IRF2: variants seen among roughly 807,000 people sequenced by gnomAD.
IRF2 encodes interferon regulatory factor 2.
In IRF2, 15 loss-of-function variants were observed where a neutral mutation model predicts 40.6. The observed-to-expected ratio is 0.37, with a 90% confidence interval of 0.25 to 0.57. IRF2 has a LOEUF of 0.57. Ranked by LOEUF, IRF2 falls within the 20% of genes least tolerant of loss-of-function variation. The probability of loss-of-function intolerance (pLI) is 0.77; values close to 1 mark genes in which losing one functional copy is unlikely to be tolerated. For synonymous variants in IRF2, 151 were observed against 165.5 expected (o/e 0.91, Z 0.67); for missense variants, 317 against 455.7 (o/e 0.70, Z 2.77).
At chr4:184,406,473 C>T (rs966526431) in intron 6 of IRF2, among the ~76,000 whole-genome samples, 3 of 152,128 alleles carry the variant, frequency 2.0e-5, no homozygotes, top group Non-Finnish European at 2.9e-5. Flanking sequence ...CGTGAACCAC[C>T]CACCTCGGCC....
In IRF2 at chr4:184,418,465, T is replaced by A. The variant is rs1234263355; in HGVS notation, c.364+67A>T. ...TGCAAACTGACTGCAGATGTAGAAA[T>A]GAAGAGATCACGAAGGCACGATGAC... On this transcript the variant is annotated intron_variant, in intron 4 of 8. Coordinates refer to ENST00000393593, the MANE Select transcript of IRF2 (RefSeq NM_002199.4). 2.1e-6 allele frequency: 3 copies of A among 1,413,370 alleles called. No individual in the cohort carries two copies. In the African/African-American group the frequency reaches 4.2e-5, roughly 20 times the overall value. The allele number at this position is 1,413,370 out of a possible 1,614,324, so 87.6% of individuals were successfully genotyped here.
chr4:184,427,668 A>G (rs967873661), intron 2 of IRF2, among the ~76,000 whole-genome samples: 3 of 152,186 alleles, frequency 2.0e-5, no homozygotes, highest in Admixed American at 1.3e-4. Context: ...AAAAATCAAA[A>G]TAAGTGGATA....
At chr4:184,435,434 G>C (rs1013121110) in intron 1 of IRF2, among the ~76,000 whole-genome samples, 32 of 152,202 alleles carry the variant, frequency 2.1e-4, no homozygotes, top group African/African-American at 7.5e-4. Context: ...TGAGAGGGGG[G>C]TGGTGCTTCT....
Position 184,429,145 on chromosome 4 carries a change from C to T in IRF2, c.-6-75G>A, listed in dbSNP as rs186158952. On this transcript the variant is annotated intron_variant, in intron 1 of 8. Transcript: ENST00000393593. Reference sequence around the variant, plus strand: ...GTCTGCACTGCAGAGTTCTACACCCCGCCTGACTCTTTCCTTCTCTCCTTT... The same window carrying T: ...GTCTGCACTGCAGAGTTCTACACCCTGCCTGACTCTTTCCTTCTCTCCTTT... 37 of 1,101,942 alleles carry T rather than the reference C, an allele frequency of 3.4e-5. No individual in the cohort carries two copies. The East Asian group carries it at 4.1e-4, about 12-fold the overall frequency. 68.3% of individuals were successfully genotyped at this position (1,101,942 alleles called of 1,614,324 possible).
chr4:184,425,700 A>T (rs1368397359), intron 2 of IRF2, among the ~76,000 whole-genome samples: 1 of 152,242 alleles, frequency 6.6e-6, no homozygotes, highest in African/African-American at 2.4e-5. Context: ...CTCAGCAGGT[A>T]AGGACTGCCT....
chr4:184,417,858 T>A (rs770857893), intron 5 of IRF2, among the ~76,000 whole-genome samples: 1 of 152,062 alleles, frequency 6.6e-6, no homozygotes, highest in Non-Finnish European at 1.5e-5. Flanking sequence ...TGTTGTGGAG[T>A]TTAGCTGGCA....
intron 5 of IRF2, among the ~76,000 whole-genome samples, chr4:184,411,103 G>C (rs1426079276): frequency 1.3e-5 from 2 of 151,034 alleles, no homozygotes; most frequent in East Asian, 3.9e-4. Flanking sequence ...TATCACCCAG[G>C]CTAGAGTGCA....
chr4:184,421,837 T>G (rs1243080805), intron 2 of IRF2, among the ~76,000 whole-genome samples: 1 of 152,126 alleles, frequency 6.6e-6, no homozygotes, highest in East Asian at 1.9e-4. Flanking sequence ...CCTCTTGAAA[T>G]GTGCAACAGG....
chr4:184,412,109 T>C lies in IRF2; in HGVS notation c.412-3834A>G, dbSNP rs1192337753. 4.0e-5 allele frequency among the ~76,000 whole-genome samples: 6 copies of C among 151,754 alleles called. No individual in the cohort carries two copies. In the East Asian group the frequency reaches 1.2e-3, roughly 29 times the overall value. ...TGTTCAAAAATCTTTGCTCTAATTG[T>C]AGAATCCAAGGATTGATCTACGTGG... On this transcript the variant is annotated intron_variant, in intron 5 of 8. Coordinates refer to ENST00000393593, the MANE Select transcript of IRF2 (RefSeq NM_002199.4).
chr4:184,416,540 T>C (rs570972787), intron 5 of IRF2, among the ~76,000 whole-genome samples: 8 of 152,266 alleles, frequency 5.3e-5, no homozygotes, highest in Admixed American at 1.3e-4. Flanking sequence ...ATAACATGTA[T>C]GAAACAACTG....
At chr4:184,445,497 T>G (rs4862370) in intron 1 of IRF2, among the ~76,000 whole-genome samples, 1 of 151,684 alleles carries the variant, frequency 6.6e-6, no homozygotes, top group Non-Finnish European at 1.5e-5. Context: ...CTACTAAAAT[T>G]TATATAAATT....
At chr4:184,421,167 C>A (rs988472510) in intron 2 of IRF2, among the ~76,000 whole-genome samples, 3 of 152,188 alleles carry the variant, frequency 2.0e-5, no homozygotes, top group African/African-American at 4.8e-5. Flanking sequence ...CAGAAAGGGT[C>A]CCAGCTGTCC....
chr4:184,427,030 A>C (rs34374710), intron 2 of IRF2, among the ~76,000 whole-genome samples: 43,707 of 152,128 alleles, frequency 0.29, 6,483 homozygotes, highest in Admixed American at 0.37. Flanking sequence ...GCTGAGTACA[A>C]GTCAGCTTTC....
At chr4:184,423,594 G>A (rs1000825793) in intron 2 of IRF2, among the ~76,000 whole-genome samples, 8 of 152,148 alleles carry the variant, frequency 5.3e-5, no homozygotes, top group African/African-American at 1.7e-4. Flanking sequence ...CTGCCTTAGT[G>A]CATGGATCCA....
chr4:184,392,862 G>T (rs1393117351), intron 7 of IRF2, among the ~76,000 whole-genome samples: 1 of 151,782 alleles, frequency 6.6e-6, no homozygotes, highest in African/African-American at 2.4e-5. Context: ...CCATGAGCAT[G>T]CAGAAGACAG....
intron 1 of IRF2, among the ~76,000 whole-genome samples, chr4:184,438,950 G>A (rs1442734505): frequency 6.6e-6 from 1 of 152,156 alleles, no homozygotes; most frequent in Non-Finnish European, 1.5e-5. Flanking sequence ...GACCCTGACG[G>A]CTGAAGTCAG....
At chr4:184,390,578 A>C (rs756349148) in intron 8 of IRF2, 125 bp downstream of exon 8, 4 of 922,090 alleles carry the variant, frequency 4.3e-6, no homozygotes, top group Non-Finnish European at 6.9e-6. Context: ...TTCACCACAC[A>C]AGAAAATCCC....
At chr4:184,393,646 A>C (rs974486502) in intron 7 of IRF2, among the ~76,000 whole-genome samples, 3 of 152,210 alleles carry the variant, frequency 2.0e-5, no homozygotes, top group African/African-American at 7.2e-5. Flanking sequence ...CATGCTCCGA[A>C]CTTATGTTTT....
rs564559311 is a variant in IRF2 at position 184,438,545 on chromosome 4, C to T, written c.-6-9475G>A. 1.2e-4 allele frequency among the ~76,000 whole-genome samples: 18 copies of T among 152,186 alleles called. No homozygotes were observed. In the South Asian group the frequency reaches 1.5e-3, roughly 12 times the overall value. On this transcript the variant is annotated intron_variant, in intron 1 of 8. Transcript: ENST00000393593. Reference sequence around the variant, plus strand: ...CATTGCACTAGGCTGGACTGCCTCCCGACAGTGTGTGTGCAGGTGTGTGCG... The same window carrying T: ...CATTGCACTAGGCTGGACTGCCTCCTGACAGTGTGTGTGCAGGTGTGTGCG...
Sources: allele counts gnomAD v4.1 joint callset (sites outside exome capture counted in the v4.1 genomes callset), GRCh38; gene constraint gnomAD v4.1.1; transcripts MANE v1.5; gene names NCBI Gene and HGNC (gene_info 2026-07-23, HGNC 2026-07-21).